OPN5: variants seen among roughly 807,000 people sequenced by gnomAD.
OPN5 encodes opsin 5, also known as opsin-5.
OPN5 carries 18 observed loss-of-function variants against 41.7 expected under a neutral mutation model. The observed-to-expected ratio is 0.43, with a 90% CI of 0.30 to 0.64. The LOEUF (loss-of-function observed/expected upper bound fraction) is 0.64. Ranked by LOEUF, OPN5 falls within the 30% of genes least tolerant of loss-of-function variation. The probability of loss-of-function intolerance (pLI) is 0.13; values close to 1 mark genes in which losing one functional copy is unlikely to be tolerated. For missense variants in OPN5, 318 were observed against 434.5 expected, an observed-to-expected ratio of 0.73 and a Z score of 2.38; for synonymous variants, 178 against 164.3, an observed-to-expected ratio of 1.08 and a Z score of -0.64.
intron 3 of OPN5, 63 bp from the exon 4 acceptor site, chr6:47,795,166 C>T: frequency 3.3e-6 from 4 of 1,202,898 alleles, no homozygotes; most frequent in Non-Finnish European, 4.6e-6. Context: ...TTTGACATAT[C>T]GAGGGGAGGT....
At chr6:47,805,869 A>G (rs1773939915) in intron 4 of OPN5, among the ~76,000 whole-genome samples, 1 of 152,152 alleles carries the variant, frequency 6.6e-6, no homozygotes, top group Admixed American at 6.6e-5. Context: ...GACGGGAGTA[A>G]AAGGAAGTGA....
intron 6 of OPN5, 52 bp downstream of exon 6, chr6:47,811,783 C>A: frequency 9.0e-7 from 1 of 1,114,954 alleles, no homozygotes; most frequent in Non-Finnish European, 1.4e-6. Flanking sequence ...ACTTATTTGC[C>A]TCTTCACTGC....
In OPN5 at chr6:47,794,985, C is replaced by T. The variant is rs1329110709; in HGVS notation, c.422-244C>T. ...TCCTGTCCCTTTTCCCAGCTGTTGTCACTTCTCCCTCCCAAAGCTCCCAGA... is the reference window on the plus strand; with the variant it reads ...TCCTGTCCCTTTTCCCAGCTGTTGTTACTTCTCCCTCCCAAAGCTCCCAGA... On this transcript the variant is annotated intron_variant, in intron 3 of 6. Transcript: ENST00000371211. 3.8e-5 allele frequency: 17 copies of T among 442,322 alleles called. 1 individual carries two copies. The South Asian group carries it at 8.7e-4, about 23-fold the overall frequency. 27.4% of individuals were successfully genotyped at this position (442,322 alleles called of 1,614,324 possible).
chr6:47,784,495 G>A (rs1018418809), intron 1 of OPN5, among the ~76,000 whole-genome samples: 1 of 151,962 alleles, frequency 6.6e-6, no homozygotes, highest in Non-Finnish European at 1.5e-5. Context: ...ACGGGGTTTC[G>A]CCATGTTGGC....
intron 4 of OPN5, among the ~76,000 whole-genome samples, chr6:47,804,451 G>A (rs1201315947): frequency 6.6e-6 from 1 of 152,148 alleles, no homozygotes; most frequent in Non-Finnish European, 1.5e-5. Context: ...AAAACAGACT[G>A]ATGAAAAGAT....
At chr6:47,785,095 T>A (rs1265633604) in intron 1 of OPN5, among the ~76,000 whole-genome samples, 2 of 152,166 alleles carry the variant, frequency 1.3e-5, no homozygotes, top group Non-Finnish European at 2.9e-5. Context: ...AAACAAATAT[T>A]TTCAAAAGAG....
exon 4 of OPN5, chr6:47,795,230 G>C (rs1561893408): frequency 1.3e-6 from 2 of 1,589,560 alleles, no homozygotes; most frequent in African/African-American, 1.3e-5. Context: ...CGCCTCCAGG[G>C]GTTTGGCTGA....
chr6:47,792,892 T>C (rs375891240), intron 3 of OPN5, among the ~76,000 whole-genome samples: 2 of 151,796 alleles, frequency 1.3e-5, no homozygotes, highest in African/African-American at 4.8e-5. Flanking sequence ...TGTATTGTTA[T>C]AGTTTACATC....
At chr6:47,813,733 T>TA (rs1476886622) in intron 6 of OPN5, among the ~76,000 whole-genome samples, 1 of 152,054 alleles carries the variant, frequency 6.6e-6, no homozygotes, top group African/African-American at 2.4e-5. Flanking sequence ...GGACCTGAAT[T>TA]AAAAAATGGC....
chr6:47,801,721 C>T (rs924534283), intron 4 of OPN5, among the ~76,000 whole-genome samples: 15 of 152,066 alleles, frequency 9.9e-5, no homozygotes, highest in African/African-American at 1.7e-4. Context: ...AATTAATTTA[C>T]GATTTCATAC....
intron 4 of OPN5, among the ~76,000 whole-genome samples, chr6:47,804,600 G>A (rs1042694106): frequency 1.3e-5 from 2 of 152,082 alleles, no homozygotes; most frequent in South Asian, 2.1e-4. Flanking sequence ...ATTTTAAAAT[G>A]GAAAGGTTAT....
At chr6:47,801,387 CT>C (rs1028123521) in intron 4 of OPN5, among the ~76,000 whole-genome samples, 35 of 152,322 alleles carry the variant, frequency 2.3e-4, no homozygotes, top group African/African-American at 7.7e-4. Flanking sequence ...TTTACATTGA[CT>C]GTGAAATCTT....
chr6:47,799,411 G>C (rs895244384), intron 4 of OPN5, among the ~76,000 whole-genome samples: 3 of 152,090 alleles, frequency 2.0e-5, no homozygotes, highest in African/African-American at 7.2e-5. Context: ...AAAAGTTTCA[G>C]GAAGGTTTTC....
intron 2 of OPN5, chr6:47,787,239 G>A (rs561665622): frequency 1.4e-5 from 11 of 807,104 alleles, no homozygotes; most frequent in Non-Finnish European, 1.6e-5. Context: ...AAGTCGTTGA[G>A]AGTGTTACCT....
At chr6:47,783,891 T>A (rs1773136896) in intron 1 of OPN5, among the ~76,000 whole-genome samples, 2 of 152,260 alleles carry the variant, frequency 1.3e-5, no homozygotes, top group South Asian at 4.1e-4. Context: ...AAAAGTAACA[T>A]CAATAACCTG....
At chr6:47,823,025 A>C (rs903459245) in intron 6 of OPN5, among the ~76,000 whole-genome samples, 9 of 152,188 alleles carry the variant, frequency 5.9e-5, no homozygotes, top group Non-Finnish European at 4.4e-5. Context: ...TCCTGCTGTG[A>C]TCTCAGCAAA....
chr6:47,811,060 G>T (rs1412287406), intron 5 of OPN5, among the ~76,000 whole-genome samples: 1 of 152,196 alleles, frequency 6.6e-6, no homozygotes, highest in Non-Finnish European at 1.5e-5. Flanking sequence ...ACAGCTCATG[G>T]AGTCATAGGC....
chr6:47,791,522 T>G (rs1773372517), intron 2 of OPN5, among the ~76,000 whole-genome samples: 1 of 152,202 alleles, frequency 6.6e-6, no homozygotes, highest in South Asian at 2.1e-4. Context: ...TTGAGACAGT[T>G]TTTTCAAAAG....
intron 2 of OPN5, among the ~76,000 whole-genome samples, chr6:47,788,810 G>GA (rs1773276654): frequency 6.8e-6 from 1 of 147,876 alleles, no homozygotes. Flanking sequence ...TAACCTGGGG[G>GA]GGGGCGGTGG....
Sources: allele counts gnomAD v4.1 joint callset (sites outside exome capture counted in the v4.1 genomes callset), GRCh38; gene constraint gnomAD v4.1.1; transcripts MANE v1.5; gene names NCBI Gene and HGNC (gene_info 2026-07-23, HGNC 2026-07-21).